The following CR2 variants were observed in gnomAD, a reference collection of about 807,000 sequenced individuals.
CR2 encodes the protein complement C3d receptor 2.
A neutral mutation model predicts 123.0 loss-of-function variants in CR2; 96 were observed. The ratio of observed to expected loss-of-function variants is 0.78; its 90% CI spans 0.66 to 0.93. The LOEUF (loss-of-function observed/expected upper bound fraction) is 0.93. CR2 is among the 40% of genes least tolerant of loss of function. The probability of loss-of-function intolerance (pLI) is 0.00; values close to 1 mark genes in which losing one functional copy is unlikely to be tolerated. For missense variants in CR2, 1,258 were observed against 1,361.0 expected (o/e 0.92, Z 1.19); for synonymous variants, 484 against 469.5 (o/e 1.03, Z -0.40).
At chr1:207,474,195 T>G (rs1558193609) in intron 12 of CR2, 46 bp from the exon 13 acceptor site, 1 of 1,405,774 alleles carries the variant, frequency 7.1e-7, no homozygotes, top group Non-Finnish European at 1.0e-6. Context: ...TTTGAAGAGA[T>G]ATGATATTGG....
intron 2 of CR2, 173 bp from the exon 3 acceptor site, chr1:207,468,354 A>G (rs1658162531): frequency 1.5e-6 from 1 of 653,848 alleles, no homozygotes; most frequent in Non-Finnish European, 2.6e-6. Context: ...TTTTTTTGCA[A>G]TTTTTTTAGC....
chr1:207,474,078 A>T (rs367871346), intron 12 of CR2, among the ~76,000 whole-genome samples, 163 bp from the exon 13 acceptor site: 49 of 152,310 alleles, frequency 3.2e-4, no homozygotes, highest in Middle Eastern at 3.4e-3. Flanking sequence ...GGCTTTGCTT[A>T]ACTCAAAAGT....
chr1:207,489,566 C>G lies in CR2; in HGVS notation c.*443C>G, dbSNP rs942338907. On this transcript the variant is annotated 3_prime_UTR_variant, in exon 20 of 20. Coordinates refer to ENST00000367057, the MANE Select transcript of CR2 (RefSeq NM_001006658.3). ...GAAGCATTTTCTGGGGTTATGATGGCTTTACCTTTATTAGGAAGTATGGTT... is the reference window on the plus strand; with the variant it reads ...GAAGCATTTTCTGGGGTTATGATGGGTTTACCTTTATTAGGAAGTATGGTT... The G allele has an allele frequency of 2.0e-5, 3 of 152,160 alleles. No homozygotes were observed. Among genetic ancestry groups the G allele is most frequent in the African/African-American group, 7.2e-5 (3 of 41,432 alleles). The allele number at this position is 152,160 out of a possible 1,614,324, so 9.4% of individuals were successfully genotyped here.
chr1:207,488,237 A>G (rs1330309524), intron 19 of CR2, among the ~76,000 whole-genome samples: 1 of 152,222 alleles, frequency 6.6e-6, no homozygotes, highest in Non-Finnish European at 1.5e-5. Context: ...AATATCCAAG[A>G]AAACCTTGGG....
chr1:207,486,183 ACTGCG>A lies in CR2; in HGVS notation c.*18+613_*18+617del, dbSNP rs532141277. Among the ~76,000 whole-genome samples the A allele has an allele frequency of 9.6e-3, 1,362 of 142,058 alleles. 22 individuals carry two copies. Among genetic ancestry groups the A allele is most frequent in the African/African-American group, 0.034 (1,275 of 37,216 alleles). The allele number at this position is 142,058 out of a possible 152,430, so 93.2% of individuals were successfully genotyped here. On this transcript the variant is annotated intron_variant, in intron 19 of 19. Transcript: ENST00000367057. ...GAGGCGGAGGTTGCAGTGAGCCAAG[ACTGCG>A]CCACTGTACCCCAGCCTGGACAACA...
intron 1 of CR2, among the ~76,000 whole-genome samples, chr1:207,456,589 A>G (rs1657840267): frequency 6.6e-6 from 1 of 152,176 alleles, no homozygotes; most frequent in Non-Finnish European, 1.5e-5. Flanking sequence ...CAAATTTCCT[A>G]CACTTCTAGA....
rs1658099703 is a variant in CR2 at position 207,466,443 on chromosome 1, T to A, written c.59-83T>A. The A allele has an allele frequency of 3.8e-5, 56 of 1,486,962 alleles. No individual in the cohort carries two copies. The South Asian group carries it at 6.3e-4, about 17-fold the overall frequency. 92.1% of individuals were successfully genotyped at this position (1,486,962 alleles called of 1,614,324 possible). On this transcript the variant is annotated intron_variant, in intron 1 of 19. Transcript: ENST00000367057. ...GTCTGTTTCTGAAAAAGTTATGTGA[T>A]CTATATTTGGATATTTTACCTACAT... is the stretch of plus-strand genomic sequence containing the variant.
At chr1:207,482,658 G>A (rs907849606) in intron 18 of CR2, among the ~76,000 whole-genome samples, 32 of 152,190 alleles carry the variant, frequency 2.1e-4, no homozygotes, top group Admixed American at 1.1e-3. Context: ...AAATAACGTC[G>A]CCATGGTGGA....
chr1:207,487,638 A>G (rs532708783), intron 19 of CR2, among the ~76,000 whole-genome samples: 3 of 152,360 alleles, frequency 2.0e-5, no homozygotes, highest in South Asian at 4.1e-4. Flanking sequence ...GTCAACAGAA[A>G]TATTTTTTAA....
intron 1 of CR2, among the ~76,000 whole-genome samples, chr1:207,461,099 C>T (rs964855149): frequency 3.9e-5 from 6 of 152,006 alleles, no homozygotes; most frequent in Non-Finnish European, 8.8e-5. Flanking sequence ...TCACAAATAG[C>T]GTACATTAGT....
At chr1:207,467,913 A>G (rs1490737869) in intron 2 of CR2, among the ~76,000 whole-genome samples, 1 of 152,208 alleles carries the variant, frequency 6.6e-6, no homozygotes, top group East Asian at 1.9e-4. Context: ...ATCCCAATAA[A>G]CTATATTGCC....
chr1:207,479,376 A>G (rs2102310924), intron 17 of CR2, 96 bp downstream of exon 17: 2 of 834,812 alleles, frequency 2.4e-6, no homozygotes, highest in East Asian at 5.3e-5. Flanking sequence ...GATATATTTA[A>G]CTCATAGGGA....
At position 207,474,097 on chromosome 1, in the gene CR2, T is replaced by C. The variant is rs145766574; in HGVS notation, c.2241-144T>C. 2.0e-5 allele frequency: 18 copies of C among 883,430 alleles called. No homozygotes were observed. The East Asian group carries it at 3.6e-4, about 18-fold the overall frequency. The allele number at this position is 883,430 out of a possible 1,614,324, so 54.7% of individuals were successfully genotyped here. ...TTGCTTAACTCAAAAGTAGTTTTTT[T>C]ACTTGGAGTAAAAAAAAGTAGTTTT... On this transcript the variant is annotated intron_variant, in intron 12 of 19. Coordinates refer to ENST00000367057, the MANE Select transcript of CR2 (RefSeq NM_001006658.3).
Position 207,473,049 on chromosome 1 carries a change from G to T in CR2, c.1848G>T (p.Lys616Asn), listed in dbSNP as rs1388356094. 2 of 1,614,002 alleles carry T rather than the reference G, an allele frequency of 1.2e-6. No homozygotes were observed. The highest frequency in any genetic ancestry group is 3.3e-5 in the Admixed American group (2 of 59,992). ...HIANGYKISGKEAPYFYNDTV... is the reference protein window; with the variant it reads ...HIANGYKISGNEAPYFYNDTV... ...CAAATGGATACAAGATATCTGGCAA[G>T]GAAGCCCCATATTTCTACAATGACA... Residue 616 changes from lysine (K) to asparagine (N), a missense_variant, in exon 10 of 20, where the codon AAG becomes AAT. By Grantham distance (94) the Lys-to-Asn change is moderately conservative. Coordinates refer to ENST00000367057, the MANE Select transcript of CR2 (RefSeq NM_001006658.3).
Position 207,469,765 on chromosome 1 carries a change from A to G in CR2, c.888A>G (p.Ser296=). The G allele has an allele frequency of 1.2e-6, 2 of 1,613,960 alleles. No individual in the cohort carries two copies. The highest frequency in any genetic ancestry group is 8.5e-7 in the Non-Finnish European group (1 of 1,179,908). The part of the protein sequence containing the change: ...RHIGNSLANV[S]YGSIVTYTCD... ...TAGGCAACTCACTAGCAAATGTCTC[A>G]TATGGAAGCATAGTCACTTACACTT... is the stretch of plus-strand genomic sequence containing the variant. The change falls in exon 6 of 20, where the codon TCA becomes TCG. Residue 296 remains serine, a synonymous_variant. Transcript: ENST00000367057.
chr1:207,470,262 G>C (rs553978313), intron 6 of CR2, among the ~76,000 whole-genome samples, 160 bp downstream of exon 6: 2 of 152,118 alleles, frequency 1.3e-5, no homozygotes, highest in Non-Finnish European at 1.5e-5. Flanking sequence ...CTTATCACTA[G>C]CCCCCCACCA....
intron 18 of CR2, among the ~76,000 whole-genome samples, chr1:207,484,320 T>A (rs1298564362): frequency 6.6e-6 from 1 of 152,268 alleles, no homozygotes; most frequent in Non-Finnish European, 1.5e-5. Context: ...AGATTCCTAG[T>A]TGCCATTCAT....
Position 207,454,377 on chromosome 1 carries a change from G to C in CR2, c.-42G>C, listed in dbSNP as rs1469716594. ...CCTCCCAGAGCTGCCGGACGCTCGC[G>C]GGTCTCGGAACGCATCCCGCCGCGG... On this transcript the variant is annotated 5_prime_UTR_variant, in exon 1 of 20. Transcript: ENST00000367057. This position sits in a 1 kb window ranked among gnomAD's most constrained non-coding sequence, Gnocchi z 4.3. The C allele has an allele frequency of 2.6e-6, 4 of 1,540,346 alleles. No individual in the cohort carries two copies. Among genetic ancestry groups the C allele is most frequent in the South Asian group, 1.2e-5 (1 of 85,142 alleles).
rs1377978443 is a variant in CR2, at chr1:207,485,473, T to C, written c.3198T>C (p.Tyr1066=). 8 of 1,601,298 alleles carry C rather than the reference T, an allele frequency of 5.0e-6. No individual in the cohort carries two copies. Among genetic ancestry groups the C allele is most frequent in the Non-Finnish European group, 6.8e-6 (8 of 1,168,432 alleles). Residue 1066 remains tyrosine, a synonymous_variant, in exon 19 of 20, where the codon TAT becomes TAC. Transcript: ENST00000367057. ...TTCTTCTTCTGTTTAGCAATTATTA[T>C]ACAGATACAAGCCAGAAAGAAGCTT... is the stretch of plus-strand genomic sequence containing the variant. ...VISKHRARNY[Y]TDTSQKEAFH...
Sources: gnomAD v4.1 joint callset for allele counts (sites outside exome capture counted in the v4.1 genomes callset) on GRCh38, gnomAD v4.1.1 for gene constraint, Gnocchi (gnomAD v3.1) non-coding constraint, MANE v1.5 for transcripts, NCBI Gene and HGNC (gene_info 2026-07-23, HGNC 2026-07-21) for gene names.